Variants in RGS7 observed in about 807,000 individuals in gnomAD.
The protein encoded by RGS7 is regulator of G protein signaling 7.
A neutral mutation model predicts 81.1 loss-of-function variants in RGS7; 27 were observed. The ratio of observed to expected loss-of-function variants is 0.33; its 90% CI spans 0.25 to 0.46. The LOEUF (loss-of-function observed/expected upper bound fraction) is 0.46. Among genes scored for constraint, RGS7 ranks in the 20% least tolerant of loss-of-function variants. The probability of loss-of-function intolerance (pLI) is 1.00; values close to 1 mark genes in which losing one functional copy is unlikely to be tolerated. For missense variants in RGS7, 396 were observed against 607.4 expected, an observed-to-expected ratio of 0.65 and a Z score of 3.66; for synonymous variants, 208 against 207.7, an observed-to-expected ratio of 1.00 and a Z score of -0.01.
intron 9 of RGS7, among the ~76,000 whole-genome samples, chr1:240,859,007 TGA>T (rs1192037196): frequency 6.6e-6 from 1 of 152,186 alleles, no homozygotes; most frequent in African/African-American, 2.4e-5. Context: ...CCTCATAGAA[TGA>T]GTTAGGAGGT....
intron 3 of RGS7, among the ~76,000 whole-genome samples, chr1:241,030,689 T>C (rs1231169026): frequency 2.0e-5 from 3 of 152,118 alleles, no homozygotes; most frequent in Non-Finnish European, 4.4e-5. Context: ...ATCTCTCCCC[T>C]GGACTATACC....
intron 2 of RGS7, among the ~76,000 whole-genome samples, chr1:241,199,144 G>T (rs1375471490): frequency 1.3e-5 from 2 of 152,026 alleles, no homozygotes; most frequent in East Asian, 1.9e-4. Flanking sequence ...TATAATAAAA[G>T]CCCTTAGCAA....
chr1:241,240,260 C>CCGAGAATGAGAATGAGAATG (rs2076198673), intron 2 of RGS7, among the ~76,000 whole-genome samples: 1 of 152,140 alleles, frequency 6.6e-6, no homozygotes, highest in Admixed American at 6.5e-5. Flanking sequence ...GGCACCCAGG[C>CCGAGAATGAGAATGAGAATG]AGAATGAGAA....
chr1:240,884,835 C>G (rs186942888), intron 6 of RGS7, among the ~76,000 whole-genome samples: 1 of 152,142 alleles, frequency 6.6e-6, no homozygotes, highest in African/African-American at 2.4e-5. Flanking sequence ...ATCCTGGACA[C>G]AGGAACGGGC....
At chr1:241,084,617 C>G (rs960169184) in intron 3 of RGS7, among the ~76,000 whole-genome samples, 2 of 152,158 alleles carry the variant, frequency 1.3e-5, no homozygotes, top group Non-Finnish European at 2.9e-5. Context: ...TTAGACAACT[C>G]TTCTGACCTC....
At chr1:241,061,107 G>C (rs2061716482) in intron 3 of RGS7, among the ~76,000 whole-genome samples, 3 of 152,154 alleles carry the variant, frequency 2.0e-5, no homozygotes, top group African/African-American at 7.2e-5. Context: ...CAAACCAATG[G>C]AAAGAAGTTT....
intron 9 of RGS7, among the ~76,000 whole-genome samples, chr1:240,829,169 C>A (rs1242716096): frequency 6.6e-6 from 1 of 151,922 alleles, no homozygotes; most frequent in East Asian, 1.9e-4. Context: ...TATGTATATA[C>A]TACAGATACA....
intron 6 of RGS7, among the ~76,000 whole-genome samples, chr1:240,879,304 T>C (rs1665995693): frequency 6.6e-6 from 1 of 152,264 alleles, no homozygotes; most frequent in Non-Finnish European, 1.5e-5. Flanking sequence ...ACTTGACCAA[T>C]ATTGCAAGTT....
At chr1:241,023,338 T>C (rs970315186) in intron 3 of RGS7, among the ~76,000 whole-genome samples, 1 of 152,186 alleles carries the variant, frequency 6.6e-6, no homozygotes, top group Non-Finnish European at 1.5e-5. Flanking sequence ...CCTTTAGGTG[T>C]AAATCTTTTT....
At chr1:241,267,298 T>G (rs549374180) in intron 2 of RGS7, among the ~76,000 whole-genome samples, 2 of 152,222 alleles carry the variant, frequency 1.3e-5, no homozygotes, top group African/African-American at 4.8e-5. Context: ...CTACTTTAGA[T>G]GACTGCACCT....
At chr1:241,239,154 G>A (rs2076145168) in intron 2 of RGS7, among the ~76,000 whole-genome samples, 1 of 151,740 alleles carries the variant, frequency 6.6e-6, no homozygotes, top group Non-Finnish European at 1.5e-5. Flanking sequence ...ATTTTTAGTA[G>A]AGACGGGTTT....
intron 2 of RGS7, among the ~76,000 whole-genome samples, chr1:241,197,251 CTT>C (rs1190138386): frequency 1.2e-4 from 5 of 40,410 alleles, no homozygotes; most frequent in African/African-American, 3.9e-4. Flanking sequence ...ATCAAAGTAT[CTT>C]TTTTTTTTTT....
At position 240,801,509 on chromosome 1, in the gene RGS7, CTT is replaced by C; in HGVS notation, c.1360-3_1360-2del. The stretch of plus-strand genomic sequence containing the variant: ...TTCTGCGATCCATTGAGTTTCCAGA[CTT>C]ACGTATGTGGGGTAGGATAGGATGA... On this transcript the variant is annotated splice_acceptor_variant and splice_polypyrimidine_tract_variant and intron_variant, in intron 16 of 18. Transcript: ENST00000440928. LOFTEE classifies it high-confidence loss of function. 6.2e-7 allele frequency: 1 copy of C among 1,601,976 alleles called. No homozygotes were observed.
chr1:240,942,608 G>T (rs1234030582), intron 4 of RGS7, among the ~76,000 whole-genome samples: 3 of 151,992 alleles, frequency 2.0e-5, no homozygotes, highest in Admixed American at 2.0e-4. Flanking sequence ...TATTTTAAAA[G>T]AAAATCTAAA....
At position 241,047,499 on chromosome 1, in the gene RGS7, G is replaced by A. The variant is rs80341464; in HGVS notation, c.175+51167C>T. ...GCTTTTATGATAATACAGTTCAAAT[G>A]CTTCCCATATCTACATTATAACCTT... On this transcript the variant is annotated intron_variant, in intron 3 of 18. Coordinates refer to ENST00000440928, the MANE Select transcript of RGS7 (RefSeq NM_001364886.1). Among the ~76,000 whole-genome samples, 1,163 of 152,086 alleles carry A rather than the reference G, an allele frequency of 7.6e-3. 18 individuals carry two copies. The highest frequency in any genetic ancestry group is 0.027 in the African/African-American group (1,114 of 41,484).
intron 9 of RGS7, among the ~76,000 whole-genome samples, chr1:240,836,639 A>G (rs1490486066): frequency 6.6e-6 from 1 of 152,212 alleles, no homozygotes. Context: ...TATTTGCTGA[A>G]GTCTCCAAAG....
At position 241,163,044 on chromosome 1, in the gene RGS7, A is replaced by G. The variant is rs182914731; in HGVS notation, c.79-64282T>C. ...ATTGTTTTGGAATTTGCCACTACAT[A>G]AACTATATAATAGGGGCAGATATGA... On this transcript the variant is annotated intron_variant, in intron 2 of 18. Coordinates refer to ENST00000440928, the MANE Select transcript of RGS7 (RefSeq NM_001364886.1). The surrounding 1 kb of genome is among the most constrained non-coding windows in gnomAD (Gnocchi z 4.6). 3.0e-3 allele frequency among the ~76,000 whole-genome samples: 458 copies of G among 152,320 alleles called. 4 individuals are homozygous for G. Among genetic ancestry groups the G allele is most frequent in the African/African-American group, 0.01 (431 of 41,578 alleles).
At chr1:240,795,294 T>TA (rs922989874) in intron 18 of RGS7, among the ~76,000 whole-genome samples, 3 of 151,920 alleles carry the variant, frequency 2.0e-5, no homozygotes, top group Admixed American at 1.3e-4. Context: ...AACAGTGTCT[T>TA]AAAAAAAACA....
intron 2 of RGS7, among the ~76,000 whole-genome samples, chr1:241,300,037 C>T (rs982467244): frequency 6.6e-6 from 1 of 150,936 alleles, no homozygotes; most frequent in African/African-American, 2.4e-5. Context: ...ATCGCCTGAA[C>T]CCAGGTTTTC....
Sources: allele counts gnomAD v4.1 joint callset (sites outside exome capture counted in the v4.1 genomes callset), GRCh38; gene constraint gnomAD v4.1.1; non-coding constraint Gnocchi (gnomAD v3.1); transcripts MANE v1.5; gene names NCBI Gene and HGNC (gene_info 2026-07-23, HGNC 2026-07-21).